DMD: variants seen among roughly 807,000 people sequenced by gnomAD.
DMD encodes the protein mutant dystrophin.
DMD carries 63 observed loss-of-function variants against 330.1 expected under a neutral mutation model. The observed-to-expected ratio is 0.19, with a 90% CI of 0.16 to 0.24. DMD has a LOEUF of 0.24. DMD is among the 10% of genes least tolerant of loss of function. The pLI is 1.00. For synonymous variants in DMD, 1,223 were observed against 959.8 expected, an observed-to-expected ratio of 1.27 and a Z score of -5.07; for missense variants, 3,344 against 2,684.1, an observed-to-expected ratio of 1.25 and a Z score of -5.43.
chrX:31,183,673 A>G (rs1325264698), intron 67 of DMD, among the ~76,000 whole-genome samples: 2 of 110,827 alleles, frequency 1.8e-5, no homozygotes, highest in Non-Finnish European at 1.9e-5. Context: ...TCAACCCTAT[A>G]GGATTGTTTT....
chrX:32,853,769 G>GAAAAAAAAAAAA (rs1162458210), intron 2 of DMD, among the ~76,000 whole-genome samples: 4 of 56,078 alleles, frequency 7.1e-5, no homozygotes, highest in Admixed American at 4.7e-4. Context: ...CACAGTGACA[G>GAAAAAAAAAAAA]AAAAAAAAAA....
chrX:32,502,012 G>T (rs2044107461), intron 18 of DMD, among the ~76,000 whole-genome samples, 170 bp from the exon 19 acceptor site: 1 of 111,642 alleles, frequency 9.0e-6, no homozygotes, highest in Admixed American at 9.6e-5. Context: ...CATCAAAATG[G>T]CAATAAAAGC....
chrX:32,835,478 G>A (rs754389720), intron 4 of DMD, among the ~76,000 whole-genome samples: 113 of 112,548 alleles, frequency 1.0e-3, no homozygotes, highest in African/African-American at 2.9e-3. Context: ...AGCAAATACC[G>A]CAATAAAGTT....
chrX:31,272,219 TA>T (rs1165501148), intron 62 of DMD, among the ~76,000 whole-genome samples: 1 of 112,086 alleles, frequency 8.9e-6, no homozygotes, highest in Non-Finnish European at 1.9e-5. Context: ...GCCGAACATC[TA>T]AAAAGATGTG....
chrX:33,336,678 A>G (rs1208631497), intron 1 of DMD, among the ~76,000 whole-genome samples: 2 of 111,617 alleles, frequency 1.8e-5, no homozygotes, highest in Non-Finnish European at 3.8e-5. Context: ...TCTGGATTTA[A>G]AAATATATTA....
Position 32,536,287 on chromosome X carries a change from A to AAAAAAAAAAAAC in DMD, c.2168+8871_2168+8872insGTTTTTTTTTTT, listed in dbSNP as rs1556769787. On this transcript the variant is annotated intron_variant, in intron 17 of 78. Coordinates refer to ENST00000357033, the MANE Select transcript of DMD (RefSeq NM_004006.3). ...TCCAAAAAAAAAAAAAAAAAAAAAA[A>AAAAAAAAAAAAC]ACACACAAATGGCTGAGAACTGCCT... Among the ~76,000 whole-genome samples the AAAAAAAAAAAAC allele has an allele frequency of 3.5e-4, 37 of 106,043 alleles. 1 individual carries two copies. Among genetic ancestry groups the AAAAAAAAAAAAC allele is most frequent in the African/African-American group, 1.3e-3 (36 of 27,313 alleles). 92.1% of individuals were successfully genotyped at this position (106,043 alleles called of 115,157 possible). A position where few individuals can be genotyped will look rare whatever the true frequency, so the allele number is the denominator to read the frequency against.
rs113563947 is a variant in DMD at position 31,193,903 on chromosome X, C to T, written c.9807+10058G>A. Reference sequence around the variant, plus strand: ...CTCTTCAAAAATGTCAACGTCAGCCCGGCGTGGTGGCTGATACCTGTAATT... The same window carrying T: ...CTCTTCAAAAATGTCAACGTCAGCCTGGCGTGGTGGCTGATACCTGTAATT... On this transcript the variant is annotated intron_variant, in intron 67 of 78. Coordinates refer to ENST00000357033, the MANE Select transcript of DMD (RefSeq NM_004006.3). 5.5e-3 allele frequency among the ~76,000 whole-genome samples: 610 copies of T among 111,397 alleles called. 9 individuals carry two copies. The highest frequency in any genetic ancestry group is 0.019 in the African/African-American group (576 of 30,653).
intron 76 of DMD, among the ~76,000 whole-genome samples, chrX:31,135,507 C>A (rs2035106597): frequency 8.9e-6 from 1 of 111,818 alleles, no homozygotes; most frequent in Non-Finnish European, 1.9e-5. Flanking sequence ...GAAGACATTA[C>A]AAACATTTTG....
rs565496617 is a variant in DMD, at chrX:32,353,512, T to A, written c.5326-4984A>T. 3.6e-5 allele frequency among the ~76,000 whole-genome samples: 4 copies of A among 111,547 alleles called. No individual in the cohort carries two copies. In the South Asian group the frequency reaches 1.5e-3, roughly 41 times the overall value. On this transcript the variant is annotated intron_variant, in intron 37 of 78. Coordinates refer to ENST00000357033, the MANE Select transcript of DMD (RefSeq NM_004006.3). ...TCATCTTAATTATTGGGTAAGTTAC[T>A]TCTATTGACTTTAAAGGAAATAGAT...
chrX:32,944,930 A>C (rs748711294), intron 2 of DMD, among the ~76,000 whole-genome samples: 2 of 111,215 alleles, frequency 1.8e-5, no homozygotes, highest in African/African-American at 6.5e-5. Context: ...TAAACACTCT[A>C]ATAGCTACAT....
At chrX:31,728,045 C>T (rs752402215) in intron 52 of DMD, among the ~76,000 whole-genome samples, 3 of 112,518 alleles carry the variant, frequency 2.7e-5, no homozygotes, top group African/African-American at 6.4e-5. Flanking sequence ...TTGTAAACGA[C>T]GCAGTCTCGC....
At chrX:33,148,180 A>C (rs1321071801) in intron 1 of DMD, among the ~76,000 whole-genome samples, 1 of 112,445 alleles carries the variant, frequency 8.9e-6, no homozygotes, top group Non-Finnish European at 1.9e-5. Flanking sequence ...GTGTGGAATA[A>C]CCAGTACTGC....
At chrX:32,188,266 G>A (rs1260900328) in intron 44 of DMD, among the ~76,000 whole-genome samples, 2 of 107,854 alleles carry the variant, frequency 1.9e-5, no homozygotes, top group Admixed American at 2.0e-4. Context: ...TTAAAACTTG[G>A]TTTATGATTT....
chrX:32,464,387 T>C (rs778893179), intron 24 of DMD, among the ~76,000 whole-genome samples, 199 bp downstream of exon 24: 56 of 109,697 alleles, frequency 5.1e-4, no homozygotes, highest in African/African-American at 1.7e-3. Flanking sequence ...GCAGCATCTC[T>C]CTCCTCTACC....
chrX:31,951,122 C>T (rs61149717), intron 45 of DMD, among the ~76,000 whole-genome samples: 7,446 of 64,487 alleles, frequency 0.12, 431 homozygotes, highest in Non-Finnish European at 0.13. Context: ...TATATATATA[C>T]ATATATATAT....
chrX:31,529,755 C>T (rs2147466093), intron 55 of DMD, among the ~76,000 whole-genome samples: 1 of 111,334 alleles, frequency 9.0e-6, no homozygotes, highest in Non-Finnish European at 1.9e-5. Flanking sequence ...CTGTTTGCTA[C>T]GGAAAAGAAA....
At chrX:31,259,273 C>T (rs2050276936) in intron 63 of DMD, among the ~76,000 whole-genome samples, 1 of 112,064 alleles carries the variant, frequency 8.9e-6, no homozygotes, top group Non-Finnish European at 1.9e-5. Flanking sequence ...AGGAGGCCCA[C>T]AGACTAATTT....
At chrX:31,781,037 TA>T (rs2090984238) in intron 50 of DMD, among the ~76,000 whole-genome samples, 1 of 112,151 alleles carries the variant, frequency 8.9e-6, no homozygotes, top group African/African-American at 3.2e-5. Context: ...TTCTTGCTAT[TA>T]AAAATATAAT....
chrX:32,053,841 C>A (rs1289713625), intron 44 of DMD, among the ~76,000 whole-genome samples: 1 of 111,121 alleles, frequency 9.0e-6, no homozygotes, highest in African/African-American at 3.3e-5. Context: ...TTCTTTAAAT[C>A]TTGTCCATGT....
Sources: allele counts gnomAD v4.1 joint callset (sites outside exome capture counted in the v4.1 genomes callset), GRCh38; gene constraint gnomAD v4.1.1; transcripts MANE v1.5; gene names NCBI Gene and HGNC (gene_info 2026-07-23, HGNC 2026-07-21).